Variants in SVOPL observed in about 807,000 individuals in gnomAD.
SVOPL encodes the protein SVOP like.
SVOPL carries 60 observed loss-of-function variants against 61.0 expected under a neutral mutation model. The observed-to-expected ratio is 0.98, with a 90% CI of 0.80 to 1.22. The LOEUF is 1.22. Ranked by LOEUF, SVOPL falls within the 50% of genes most tolerant of loss-of-function variation. The pLI is 0.00. For missense variants in SVOPL, 662 were observed against 643.9 expected (o/e 1.03, Z -0.30); for synonymous variants, 279 against 250.0 (o/e 1.12, Z -1.09).
At chr7:138,674,503 G>A (rs1036415060) in intron 3 of SVOPL, among the ~76,000 whole-genome samples, 2 of 151,866 alleles carry the variant, frequency 1.3e-5, no homozygotes, top group Non-Finnish European at 2.9e-5. Context: ...TGAGACAGGA[G>A]GGGGTGGCCT....
chr7:138,634,294 G>T (rs1486064775), intron 9 of SVOPL, among the ~76,000 whole-genome samples: 1 of 151,946 alleles, frequency 6.6e-6, no homozygotes, highest in East Asian at 1.9e-4. Flanking sequence ...ACTGCTTGAG[G>T]CCAGGATTTG....
chr7:138,668,048 T>TC (rs2117102508), intron 4 of SVOPL, among the ~76,000 whole-genome samples: 1 of 152,190 alleles, frequency 6.6e-6, no homozygotes, highest in African/African-American at 2.4e-5. Context: ...GTTCCTGAGA[T>TC]CAGTGCTTGA....
rs894421432 is a variant in SVOPL, at chr7:138,663,480, C to T, written c.274-335G>A. The T allele has an allele frequency of 6.0e-6, 7 of 1,169,496 alleles. No homozygotes were observed. The African/African-American group carries it at 7.9e-5, about 13-fold the overall frequency. 72.4% of individuals were successfully genotyped at this position (1,169,496 alleles called of 1,614,324 possible). Reference sequence around the variant, plus strand: ...TAATTTTTAAAATTGTCTGTTCATGCGCTGCCTTATACAGTACACAAATTG... The same window carrying T: ...TAATTTTTAAAATTGTCTGTTCATGTGCTGCCTTATACAGTACACAAATTG... On this transcript the variant is annotated intron_variant, in intron 4 of 15. Transcript: ENST00000674285.
chr7:138,616,279 C>T (rs867251829), intron 14 of SVOPL, among the ~76,000 whole-genome samples: 59 of 152,250 alleles, frequency 3.9e-4, no homozygotes, highest in Middle Eastern at 3.4e-3. Context: ...CGGAGGCAGC[C>T]CTTGACCTAT....
intron 4 of SVOPL, chr7:138,663,479 G>A: frequency 8.5e-7 from 1 of 1,173,588 alleles, no homozygotes; most frequent in Non-Finnish European, 1.1e-6. Context: ...GTCTGTTCAT[G>A]CGCTGCCTTA....
chr7:138,672,234 G>C (rs1802440839), intron 3 of SVOPL, 117 bp from the exon 4 acceptor site: 6 of 918,072 alleles, frequency 6.5e-6, no homozygotes, highest in Non-Finnish European at 1.0e-5. Flanking sequence ...CCCATTCAGG[G>C]AGGATCTATT....
At chr7:138,691,974 C>T (rs866483204) in intron 1 of SVOPL, among the ~76,000 whole-genome samples, 4 of 152,176 alleles carry the variant, frequency 2.6e-5, no homozygotes, top group Non-Finnish European at 5.9e-5. Context: ...GGCACCACCA[C>T]ACCCAGCTAG....
chr7:138,604,677 C>T (rs1360548645), intron 14 of SVOPL, among the ~76,000 whole-genome samples: 9 of 58,814 alleles, frequency 1.5e-4, no homozygotes, highest in Middle Eastern at 0.026. Flanking sequence ...AACTTTATCT[C>T]AAAAAAAAAA....
chr7:138,644,421 CA>C (rs982009271), intron 9 of SVOPL, among the ~76,000 whole-genome samples: 1 of 151,952 alleles, frequency 6.6e-6, no homozygotes, highest in African/African-American at 2.4e-5. Flanking sequence ...AAGGCCAGTA[CA>C]AAAAAGAAAA....
chr7:138,621,162 A>G (rs753695436), intron 13 of SVOPL, 27 bp from the exon 14 acceptor site: 2 of 1,601,914 alleles, frequency 1.2e-6, no homozygotes, highest in African/African-American at 1.3e-5. Context: ...GGAAAGTACC[A>G]GTCAGATAAT....
chr7:138,698,276 C>T (rs548822330), intron 1 of SVOPL, among the ~76,000 whole-genome samples: 2 of 152,226 alleles, frequency 1.3e-5, no homozygotes, highest in South Asian at 2.1e-4. Flanking sequence ...TTCTACCTGC[C>T]GGTGGGAGAA....
intron 1 of SVOPL, among the ~76,000 whole-genome samples, chr7:138,683,068 A>G (rs1802734233): frequency 6.6e-6 from 1 of 152,042 alleles, no homozygotes; most frequent in African/African-American, 2.4e-5. Context: ...AAATTTGAAG[A>G]TATTAAGAAA....
intron 4 of SVOPL, among the ~76,000 whole-genome samples, chr7:138,666,965 G>A (rs1365735150): frequency 1.3e-5 from 2 of 152,132 alleles, no homozygotes; most frequent in Non-Finnish European, 2.9e-5. Flanking sequence ...TTTCAGGCTT[G>A]CAAATCACTA....
intron 4 of SVOPL, among the ~76,000 whole-genome samples, chr7:138,663,909 CT>C (rs1802127330): frequency 6.6e-6 from 1 of 152,118 alleles, no homozygotes; most frequent in Admixed American, 6.5e-5. Context: ...CGCTGTTCTG[CT>C]TTTTTTCTCC....
intron 7 of SVOPL, among the ~76,000 whole-genome samples, chr7:138,654,147 AG>A (rs1451311122): frequency 6.6e-6 from 1 of 150,900 alleles, no homozygotes; most frequent in Admixed American, 6.6e-5. Flanking sequence ...AAAAAAAAAA[AG>A]AATCATGGTA....
intron 1 of SVOPL, among the ~76,000 whole-genome samples, chr7:138,687,885 T>C (rs1477957612): frequency 6.6e-6 from 1 of 151,984 alleles, no homozygotes; most frequent in Non-Finnish European, 1.5e-5. Context: ...CACTGCAAAC[T>C]TCCCCTCCCA....
chr7:138,700,634 C>T (rs112173093), intron 1 of SVOPL, among the ~76,000 whole-genome samples: 8,845 of 151,870 alleles, frequency 0.058, 356 homozygotes, highest in Non-Finnish European at 0.082. Flanking sequence ...CCACCGCACC[C>T]GGCTGGTTTC....
In SVOPL at chr7:138,626,189, TG is replaced by T. The variant is rs1456828034; in HGVS notation, c.1182-140del. On this transcript the variant is annotated intron_variant, in intron 12 of 15. Transcript: ENST00000674285. ...CCCGAGGGAGGTGCTGCTTCTCAGCTGGCCTGATTGTGGGGTCCTTAAGCAA... is the reference window on the plus strand; with the variant it reads ...CCCGAGGGAGGTGCTGCTTCTCAGCTGCCTGATTGTGGGGTCCTTAAGCAA... 7 of 779,334 alleles carry T rather than the reference TG, an allele frequency of 9.0e-6. No individual in the cohort carries two copies. The East Asian group carries it at 1.4e-4, about 15-fold the overall frequency. The allele number at this position is 779,334 out of a possible 1,614,324, so 48.3% of individuals were successfully genotyped here.
chr7:138,653,035 CA>C (rs1213688251), intron 7 of SVOPL, among the ~76,000 whole-genome samples: 1 of 152,158 alleles, frequency 6.6e-6, no homozygotes, highest in Non-Finnish European at 1.5e-5. Flanking sequence ...CTGGATAGAT[CA>C]AAGTGCCACA....
Sources: allele counts gnomAD v4.1 joint callset (sites outside exome capture counted in the v4.1 genomes callset), GRCh38; gene constraint gnomAD v4.1.1; transcripts MANE v1.5; gene names NCBI Gene and HGNC (gene_info 2026-07-23, HGNC 2026-07-21).